The following IQCJ variants were observed in gnomAD, a reference collection of about 807,000 sequenced individuals.
The protein encoded by IQCJ is IQ domain-containing protein J.
IQCJ carries 9 observed loss-of-function variants against 11.0 expected under a neutral mutation model. The ratio of observed to expected loss-of-function variants is 0.82; its 90% CI spans 0.49 to 1.43. The LOEUF (loss-of-function observed/expected upper bound fraction) is 1.43. Among genes scored for constraint, IQCJ ranks in the 40% most tolerant of loss-of-function variants. The pLI is 0.00. For synonymous variants in IQCJ, 55 were observed against 51.3 expected (o/e 1.07, Z -0.31); for missense variants, 146 against 133.2 (o/e 1.10, Z -0.47).
intron 1 of IQCJ, among the ~76,000 whole-genome samples, chr3:159,198,977 T>G (rs1300331121): frequency 6.6e-6 from 1 of 152,226 alleles, no homozygotes; most frequent in Non-Finnish European, 1.5e-5. Flanking sequence ...GATTAGACCC[T>G]TTAAGAAATA....
chr3:159,259,593 A>G (rs1036901972), intron 3 of IQCJ, among the ~76,000 whole-genome samples: 8 of 152,330 alleles, frequency 5.3e-5, no homozygotes, highest in Admixed American at 2.0e-4. Context: ...ACATCTGGAG[A>G]TGGTATTAAG....
chr3:159,264,370 C>A (rs1327479212), downstream of IQCJ, among the ~76,000 whole-genome samples: 1 of 152,184 alleles, frequency 6.6e-6, no homozygotes, highest in African/African-American at 2.4e-5. Context: ...GAGTCATCAA[C>A]TTCATTTATA....
At chr3:159,223,657 G>A (rs1424454665) in intron 1 of IQCJ, among the ~76,000 whole-genome samples, 1 of 152,086 alleles carries the variant, frequency 6.6e-6, no homozygotes, top group East Asian at 1.9e-4. Context: ...TTCCAGCTCT[G>A]TCTACCAAAA....
intron 1 of IQCJ, among the ~76,000 whole-genome samples, chr3:159,195,468 A>G: frequency 6.6e-6 from 1 of 152,168 alleles, no homozygotes; most frequent in East Asian, 1.9e-4. Flanking sequence ...AACAGGGAGG[A>G]CTGGGCCTCT....
chr3:159,211,810 G>T (rs1056364297), intron 1 of IQCJ, among the ~76,000 whole-genome samples: 1 of 151,904 alleles, frequency 6.6e-6, no homozygotes, highest in African/African-American at 2.4e-5. Context: ...CTAGAGTGAC[G>T]ATATACAATG....
chr3:159,260,437 A>T (rs1421029175), intron 3 of IQCJ, among the ~76,000 whole-genome samples: 2 of 152,188 alleles, frequency 1.3e-5, no homozygotes, highest in Non-Finnish European at 2.9e-5. Flanking sequence ...ACAGCCTTTA[A>T]AATGTTACAC....
intron 1 of IQCJ, among the ~76,000 whole-genome samples, chr3:159,143,852 G>A (rs1476609839): frequency 6.6e-6 from 1 of 152,164 alleles, no homozygotes; most frequent in African/African-American, 2.4e-5. Context: ...CATGGTTCTG[G>A]AGGCTACAAG....
downstream of IQCJ, among the ~76,000 whole-genome samples, chr3:159,264,969 A>T (rs534760638): frequency 6.6e-5 from 10 of 152,290 alleles, no homozygotes; most frequent in African/African-American, 2.4e-4. Flanking sequence ...GTCAGAAAGC[A>T]AGCAGGCCCT....
At chr3:159,182,945 G>A (rs983748855) in intron 1 of IQCJ, among the ~76,000 whole-genome samples, 2 of 151,940 alleles carry the variant, frequency 1.3e-5, no homozygotes, top group Non-Finnish European at 2.9e-5. Context: ...TTTCTTTGGA[G>A]GCAGAAATTG....
chr3:159,222,220 C>T (rs887222145), intron 1 of IQCJ, among the ~76,000 whole-genome samples: 2 of 152,138 alleles, frequency 1.3e-5, no homozygotes, highest in Non-Finnish European at 2.9e-5. Context: ...GCATTATTCA[C>T]AGTAGCCAAG....
intron 1 of IQCJ, among the ~76,000 whole-genome samples, chr3:159,188,254 T>A (rs1231492227): frequency 6.6e-6 from 1 of 152,100 alleles, no homozygotes; most frequent in African/African-American, 2.4e-5. Flanking sequence ...CTATTAAAAA[T>A]ACAAAATTAG....
chr3:159,261,713 C>G (rs1337395442), intron 3 of IQCJ, among the ~76,000 whole-genome samples: 2 of 152,192 alleles, frequency 1.3e-5, no homozygotes, highest in African/African-American at 4.8e-5. Context: ...GACTAATACA[C>G]AGTCCATGGG....
intron 1 of IQCJ, among the ~76,000 whole-genome samples, chr3:159,078,033 AG>A (rs1437527227): frequency 8.3e-6 from 1 of 120,604 alleles, no homozygotes; most frequent in East Asian, 2.1e-4. Flanking sequence ...AAAATGACTA[AG>A]GAAATACCTT....
At chr3:159,137,384 A>C (rs936357989) in intron 1 of IQCJ, among the ~76,000 whole-genome samples, 16 of 152,186 alleles carry the variant, frequency 1.1e-4, no homozygotes, top group African/African-American at 3.9e-4. Flanking sequence ...CTTTGAGTGA[A>C]GGTTACAGAG....
chr3:159,175,037 T>A (rs1722696157), intron 1 of IQCJ, among the ~76,000 whole-genome samples: 2 of 152,226 alleles, frequency 1.3e-5, no homozygotes, highest in South Asian at 4.1e-4. Flanking sequence ...ATTTATGTTG[T>A]CATTGATACT....
downstream of IQCJ, chr3:159,265,460 C>T: frequency 7.3e-7 from 1 of 1,373,342 alleles, no homozygotes; most frequent in East Asian, 2.3e-5. Context: ...CTGACTAAGC[C>T]TGTCATCAAG....
chr3:159,161,537 C>A (rs10936170), intron 1 of IQCJ, among the ~76,000 whole-genome samples: 33,620 of 151,866 alleles, frequency 0.22, 4,491 homozygotes, highest in South Asian at 0.39. Context: ...TAGTTTAATT[C>A]GATCCCATTT....
intron 1 of IQCJ, among the ~76,000 whole-genome samples, chr3:159,220,589 C>T (rs1011877256): frequency 6.6e-6 from 1 of 152,114 alleles, no homozygotes; most frequent in Non-Finnish European, 1.5e-5. Context: ...TTTGTTATAG[C>T]AGCTCTAGCA....
chr3:159,069,844 TG>T (rs777076638), intron 1 of IQCJ: 773 of 26,018 alleles, frequency 0.03, 3 homozygotes, highest in Non-Finnish European at 0.035. Flanking sequence ...CCTCCTTTCT[TG>T]TGTGTGTGTG....
Sources: allele counts gnomAD v4.1 joint callset (sites outside exome capture counted in the v4.1 genomes callset), GRCh38; gene constraint gnomAD v4.1.1; transcripts MANE v1.5; gene names NCBI Gene and HGNC (gene_info 2026-07-23, HGNC 2026-07-21).